The following ZNF717 variants were observed in gnomAD, a reference collection of about 807,000 sequenced individuals.
ZNF717 encodes zinc finger protein 717, also known as krueppel-like factor X17.
In ZNF717, 9 loss-of-function variants were observed where a neutral mutation model predicts 13.8. The ratio of observed to expected loss-of-function variants is 0.65; its 90% CI spans 0.39 to 1.14. The LOEUF (loss-of-function observed/expected upper bound fraction) is 1.14, where lower values mean the gene tolerates loss of function less well. Among genes scored for constraint, ZNF717 ranks in the 50% most tolerant of loss-of-function variants. ZNF717 has a pLI of 0.01. For synonymous variants in ZNF717, 327 were observed against 364.1 expected, an observed-to-expected ratio of 0.90 and a Z score of 1.16; for missense variants, 1,040 against 1,080.7, an observed-to-expected ratio of 0.96 and a Z score of 0.53.
intron 2 of ZNF717, among the ~76,000 whole-genome samples, chr3:75,748,689 T>C (rs1941397977): frequency 6.6e-6 from 1 of 152,110 alleles, no homozygotes; most frequent in Non-Finnish European, 1.5e-5. Flanking sequence ...ATGCGACATA[T>C]CTAAAAATAA....
intron 2 of ZNF717, among the ~76,000 whole-genome samples, chr3:75,771,582 G>C (rs942406564): frequency 6.6e-6 from 1 of 152,264 alleles, no homozygotes; most frequent in African/African-American, 2.4e-5. Context: ...TACAAGCAAG[G>C]CACCTGCAAG....
chr3:75,780,157 G>A (rs1168193592), intron 2 of ZNF717, among the ~76,000 whole-genome samples: 1 of 151,078 alleles, frequency 6.6e-6, no homozygotes, highest in Admixed American at 6.6e-5. Flanking sequence ...CCAAAACAAT[G>A]GAGCTGACGT....
chr3:75,782,449 A>G (rs529727220), intron 2 of ZNF717, among the ~76,000 whole-genome samples: 16 of 152,360 alleles, frequency 1.1e-4, no homozygotes, highest in African/African-American at 3.8e-4. Flanking sequence ...AGCAAGGAGC[A>G]TACCTTACAA....
intron 2 of ZNF717, among the ~76,000 whole-genome samples, chr3:75,746,919 T>C (rs374670736): frequency 1.3e-5 from 2 of 152,226 alleles, no homozygotes; most frequent in African/African-American, 4.8e-5. Context: ...TTTGGTGTTT[T>C]AGACATGAAG....
chr3:75,726,226 T>C, downstream of ZNF717, among the ~76,000 whole-genome samples: 1 of 152,260 alleles, frequency 6.6e-6, no homozygotes, highest in Non-Finnish European at 1.5e-5. Flanking sequence ...GAAAATAGCA[T>C]TGGGCTGTGT....
At chr3:75,755,795 G>A (rs117450785) in intron 2 of ZNF717, among the ~76,000 whole-genome samples, 1 of 152,234 alleles carries the variant, frequency 6.6e-6, no homozygotes, top group African/African-American at 2.4e-5. Context: ...AAACTGCAAA[G>A]GGCAGAAAAA....
chr3:75,750,433 C>G (rs796160246), intron 2 of ZNF717, among the ~76,000 whole-genome samples: 1 of 119,862 alleles, frequency 8.3e-6, no homozygotes, highest in South Asian at 2.8e-4. Context: ...CCAGAACACT[C>G]CTACTGTGGT....
intron 2 of ZNF717, among the ~76,000 whole-genome samples, chr3:75,771,117 A>G (rs1459672777): frequency 1.3e-5 from 2 of 152,328 alleles, no homozygotes; most frequent in African/African-American, 4.8e-5. Context: ...GCCTGTAACA[A>G]CAGCTGAGTC....
At chr3:75,753,415 T>C (rs1575852788) in intron 2 of ZNF717, among the ~76,000 whole-genome samples, 4 of 148,894 alleles carry the variant, frequency 2.7e-5, no homozygotes, top group Admixed American at 1.3e-4. Context: ...GCCTCTCACA[T>C]AGGATTCCTG....
rs1373399055 is a variant in ZNF717, at chr3:75,783,384, A to T, written c.-2-20T>A. The T allele has an allele frequency of 6.5e-7, 1 of 1,547,382 alleles. No individual in the cohort carries two copies. Among genetic ancestry groups the T allele is most frequent in the Non-Finnish European group, 8.7e-7 (1 of 1,143,286 alleles). The stretch of plus-strand genomic sequence containing the variant: ...ACATAGCTGAGAGAGAAGGCAAATG[A>T]CGTGAATTAAGGAGAGAACTGGTGT... On this transcript the variant is annotated intron_variant, in intron 1 of 4. Coordinates refer to ENST00000652011, the MANE Select transcript of ZNF717 (RefSeq NM_001290208.3).
At chr3:75,747,797 C>T (rs1242463296) in intron 2 of ZNF717, among the ~76,000 whole-genome samples, 2 of 152,066 alleles carry the variant, frequency 1.3e-5, no homozygotes, top group Non-Finnish European at 2.9e-5. Flanking sequence ...ACAAACATGT[C>T]ATCTGCAAAC....
At chr3:75,721,138 A>C (rs2106862315) in intron 4 of ZNF717, among the ~76,000 whole-genome samples, 1 of 152,326 alleles carries the variant, frequency 6.6e-6, no homozygotes, top group South Asian at 2.1e-4. Context: ...TTGAAGGAAA[A>C]ACTACTTGAA....
intron 5 of ZNF717, among the ~76,000 whole-genome samples, chr3:75,713,362 A>T (rs1174864810): frequency 5.3e-5 from 8 of 151,696 alleles, no homozygotes; most frequent in Non-Finnish European, 1.0e-4. Context: ...TGTTGCCCAG[A>T]GTGGTCTCAA....
At chr3:75,745,924 G>T (rs1289896615) in intron 2 of ZNF717, among the ~76,000 whole-genome samples, 1 of 151,682 alleles carries the variant, frequency 6.6e-6, no homozygotes, top group Non-Finnish European at 1.5e-5. Context: ...TGCACAACGT[G>T]CAGGTTTCTT....
chr3:75,758,140 A>T (rs1425777238), intron 2 of ZNF717, among the ~76,000 whole-genome samples: 2 of 145,594 alleles, frequency 1.4e-5, no homozygotes, highest in Admixed American at 6.8e-5. Context: ...AAAAAAAGAG[A>T]GAGAGATAAG....
chr3:75,715,049 T>A (rs1481483915), intron 5 of ZNF717, among the ~76,000 whole-genome samples: 4 of 152,272 alleles, frequency 2.6e-5, no homozygotes, highest in Non-Finnish European at 5.9e-5. Context: ...ACCCAAATTA[T>A]ATTTTTTGGC....
downstream of ZNF717, among the ~76,000 whole-genome samples, chr3:75,734,813 ATATATTTTTTT>A (rs1278443034): frequency 4.8e-4 from 29 of 60,052 alleles, no homozygotes; most frequent in East Asian, 0.012. Context: ...ATATATATAT[ATATATTTTTTT>A]TTTTTTTTTT....
intron 2 of ZNF717, 180 bp from the exon 3 acceptor site, chr3:75,741,916 G>A (rs1940518074): frequency 1.4e-6 from 1 of 702,042 alleles, no homozygotes; most frequent in South Asian, 2.3e-5. Context: ...AAAGATTCTT[G>A]TCAAAAGAAC....
rs112091422 is a variant in ZNF717, at chr3:75,747,326, C to T, written c.58-5590G>A. ...CCAGCTTTGTTCTTTTGGCTTAGGA[C>T]TGACTTGGCAATGTGGGCTCTTTTT... On this transcript the variant is annotated intron_variant, in intron 2 of 4. Coordinates refer to ENST00000652011, the MANE Select transcript of ZNF717 (RefSeq NM_001290208.3). Among the ~76,000 whole-genome samples, 305 of 152,180 alleles carry T rather than the reference C, an allele frequency of 2.0e-3. 1 individual carries two copies. The highest frequency in any genetic ancestry group is 6.8e-3 in the Middle Eastern group (2 of 294).
Sources: gnomAD v4.1 joint callset for allele counts (sites outside exome capture counted in the v4.1 genomes callset) on GRCh38, gnomAD v4.1.1 for gene constraint, MANE v1.5 for transcripts, NCBI Gene and HGNC (gene_info 2026-07-23, HGNC 2026-07-21) for gene names.